The following EFHB variants were observed in gnomAD, a reference collection of about 807,000 sequenced individuals.
The protein encoded by EFHB is EF-hand domain-containing family member B.
Under a neutral mutation model 87.2 loss-of-function variants are expected in EFHB, and 91 were observed. The observed-to-expected ratio is 1.04, with a 90% CI of 0.88 to 1.24. The LOEUF (loss-of-function observed/expected upper bound fraction) is 1.24. EFHB is among the 50% of genes most tolerant of loss of function. The probability of loss-of-function intolerance (pLI) is 0.00; values close to 1 mark genes in which losing one functional copy is unlikely to be tolerated. For missense variants in EFHB, 1,084 were observed against 998.8 expected, an observed-to-expected ratio of 1.09 and a Z score of -1.15; for synonymous variants, 325 against 333.6, an observed-to-expected ratio of 0.97 and a Z score of 0.28.
rs1248928239 is a variant in EFHB at position 19,933,667 on chromosome 3, CAAG to C, written c.349_351del (p.Leu117del). 1.2e-6 allele frequency: 2 copies of C among 1,613,896 alleles called. No individual in the cohort carries two copies. The highest frequency in any genetic ancestry group is 2.7e-5 in the African/African-American group (2 of 74,928). Reference sequence around the variant, plus strand: ...ATTATCCGTTCATGGGTATATCCTGCAAGAAGACTCTCATTTTCTAACCCCATT... The same window carrying C: ...ATTATCCGTTCATGGGTATATCCTGCAAGACTCTCATTTTCTAACCCCATT... On this transcript the variant is annotated inframe_deletion, in exon 1 of 13. Coordinates refer to ENST00000295824, the MANE Select transcript of EFHB (RefSeq NM_144715.4).
intron 5 of EFHB, among the ~76,000 whole-genome samples, chr3:19,906,866 A>G (rs1003689720): frequency 6.6e-6 from 1 of 152,144 alleles, no homozygotes; most frequent in Non-Finnish European, 1.5e-5. Context: ...AAACAGACAT[A>G]CAGGCTAGTG....
chr3:19,908,600 GAAAGAAAGAA>G (rs1354808576), intron 5 of EFHB, among the ~76,000 whole-genome samples: 174 of 97,224 alleles, frequency 1.8e-3, no homozygotes, highest in Non-Finnish European at 2.3e-3. Context: ...GAGAGAGAGA[GAAAGAAAGAA>G]AGAAAGAAAG....
intron 12 of EFHB, among the ~76,000 whole-genome samples, chr3:19,881,116 G>C (rs2071665531): frequency 6.6e-6 from 1 of 152,188 alleles, no homozygotes; most frequent in Non-Finnish European, 1.5e-5. Context: ...GAAGAGCAGA[G>C]CTGCTAGCAA....
chr3:19,903,737 G>C (rs1694747966), intron 6 of EFHB, among the ~76,000 whole-genome samples: 1 of 152,088 alleles, frequency 6.6e-6, no homozygotes, highest in Non-Finnish European at 1.5e-5. Flanking sequence ...AGGAGTGAAA[G>C]AGGAATGGAA....
At chr3:19,923,468 A>G (rs1479283425) in intron 1 of EFHB, among the ~76,000 whole-genome samples, 66 of 152,056 alleles carry the variant, frequency 4.3e-4, no homozygotes, top group Non-Finnish European at 2.1e-4. Flanking sequence ...GCTCACTGCA[A>G]CCTCTACCAT....
chr3:19,888,584 T>A lies in EFHB; in HGVS notation c.1793A>T (p.Asp598Val). 6.2e-7 allele frequency: 1 copy of A among 1,605,832 alleles called. No homozygotes were observed. Among genetic ancestry groups the A allele is most frequent in the Non-Finnish European group, 8.5e-7 (1 of 1,175,782 alleles). ...AAATAGCTGGTCCAGGAGCTTGTCA[T>A]CTAAACTCAAGTTGGCCTGGTCACA... is the stretch of plus-strand genomic sequence containing the variant. ...EACDQANLSLDDKLLDQLFDY... is the reference protein window; with the variant it reads ...EACDQANLSLVDKLLDQLFDY... Residue 598 changes from aspartate (D) to valine (V), a missense_variant, in exon 10 of 13, where the codon GAT becomes GTT. Coordinates refer to ENST00000295824, the MANE Select transcript of EFHB (RefSeq NM_144715.4).
At chr3:19,914,457 C>T (rs942457945) in intron 5 of EFHB, among the ~76,000 whole-genome samples, 4 of 152,130 alleles carry the variant, frequency 2.6e-5, no homozygotes, top group Admixed American at 1.3e-4. Context: ...GCACTATAAA[C>T]ATCTAATGCC....
intron 1 of EFHB, chr3:19,940,485 TTTGTCTTCATCGTGAATC>T (rs1440740694): frequency 4.0e-6 from 2 of 504,488 alleles, no homozygotes; most frequent in Non-Finnish European, 7.9e-6. Context: ...GAATCTTCTG[TTTGTCTTCATCGTGAATC>T]TTGCCTTGAA....
intron 1 of EFHB, chr3:19,942,483 T>C (rs1431365657): frequency 6.6e-6 from 1 of 151,964 alleles, no homozygotes; most frequent in African/African-American, 2.4e-5. Flanking sequence ...TGGAAGACAA[T>C]TTTTCCACAG....
chr3:19,919,159 T>C (rs1261449775), intron 3 of EFHB, among the ~76,000 whole-genome samples: 3 of 152,202 alleles, frequency 2.0e-5, no homozygotes, highest in Non-Finnish European at 1.5e-5. Context: ...AAGTATTCTA[T>C]AGTGCCTCTA....
chr3:19,943,085 T>C (rs2125172798), intron 1 of EFHB: 1 of 265,212 alleles, frequency 3.8e-6, no homozygotes, highest in Middle Eastern at 8.1e-4. Context: ...ATCAAGTCTG[T>C]GTCCAATCAG....
At chr3:19,936,628 G>A (rs1420641951), upstream of EFHB, among the ~76,000 whole-genome samples, 1 of 152,090 alleles carries the variant, frequency 6.6e-6, no homozygotes, top group Non-Finnish European at 1.5e-5. Context: ...AGCACTGTGG[G>A]AGGCCTAGGC....
At position 19,933,890 on chromosome 3, in the gene EFHB, G is replaced by A. The variant is rs777235581; in HGVS notation, c.129C>T (p.Cys43=). ...TATTACTAACCACAGGGCTCTCCCC[G>A]CATCGGGAATCTTCTTTTCCTAATC... ...RVGLGKEDSR[C]GESPVVSNKC... The change falls in exon 1 of 13, where the codon TGC becomes TGT. Residue 43 remains cysteine, a synonymous_variant. Transcript: ENST00000295824. 3 of 1,613,764 alleles carry A rather than the reference G, an allele frequency of 1.9e-6. No individual in the cohort carries two copies. Among genetic ancestry groups the A allele is most frequent in the Non-Finnish European group, 2.5e-6 (3 of 1,179,834 alleles).
chr3:19,918,014 T>C (rs898148025), intron 4 of EFHB, among the ~76,000 whole-genome samples: 1 of 152,204 alleles, frequency 6.6e-6, no homozygotes, highest in Non-Finnish European at 1.5e-5. Context: ...ATGCTCACTA[T>C]ATCTGGACTC....
Position 19,882,711 on chromosome 3 carries a change from G to A in EFHB, c.2167C>T (p.Pro723Ser), listed in dbSNP as rs1469220257. 1.2e-6 allele frequency: 2 copies of A among 1,613,248 alleles called. No individual in the cohort carries two copies. Among genetic ancestry groups the A allele is most frequent in the Admixed American group, 1.7e-5 (1 of 59,982 alleles). ...PSTCYPICGV[P>S]TIRSDIPAPR... ...GCAGGAATGTCAGATCGAATGGTTG[G>A]AACACCACAAATGGGGTAACCTAGG... Residue 723 changes from proline (P) to serine (S), a missense_variant, in exon 12 of 13, where the codon CCA becomes TCA. Coordinates refer to ENST00000295824, the MANE Select transcript of EFHB (RefSeq NM_144715.4).
In EFHB at chr3:19,916,884, T is replaced by C. The variant is rs1391289777; in HGVS notation, c.1177+1348A>G. The stretch of plus-strand genomic sequence containing the variant: ...CAGAAGATGATTCCAATCAAAATAA[T>C]CCTGTAAAGCAGAACTTCTTTTTGA... On this transcript the variant is annotated intron_variant, in intron 4 of 12. Coordinates refer to ENST00000295824, the MANE Select transcript of EFHB (RefSeq NM_144715.4). 3.3e-5 allele frequency among the ~76,000 whole-genome samples: 5 copies of C among 152,312 alleles called. No homozygotes were observed. In the East Asian group the frequency reaches 7.7e-4, roughly 23 times the overall value.
chr3:19,917,723 A>C (rs1001334589), intron 4 of EFHB, among the ~76,000 whole-genome samples: 1 of 152,174 alleles, frequency 6.6e-6, no homozygotes, highest in East Asian at 1.9e-4. Context: ...CTCCCTCTCA[A>C]AATCAGAGTG....
chr3:19,882,785 A>G, intron 11 of EFHB, 54 bp from the exon 12 acceptor site: 1 of 1,509,142 alleles, frequency 6.6e-7, no homozygotes, highest in Middle Eastern at 1.8e-4. Flanking sequence ...GCTGTGTAAC[A>G]CAGTAGCCAC....
chr3:19,915,533 C>G, intron 4 of EFHB, 120 bp from the exon 5 acceptor site: 1 of 623,582 alleles, frequency 1.6e-6, no homozygotes, highest in South Asian at 2.2e-5. Context: ...CATAGACATC[C>G]CGAGAGATCA....
Sources: allele counts gnomAD v4.1 joint callset (sites outside exome capture counted in the v4.1 genomes callset), GRCh38; gene constraint gnomAD v4.1.1; transcripts MANE v1.5; gene names NCBI Gene and HGNC (gene_info 2026-07-23, HGNC 2026-07-21).